The following CXCL3 variants were observed in gnomAD, a reference collection of about 807,000 sequenced individuals.
The protein encoded by CXCL3 is C-X-C motif chemokine ligand 3.
A neutral mutation model predicts 11.5 loss-of-function variants in CXCL3; 10 were observed. The observed-to-expected ratio is 0.87, with a 90% CI of 0.54 to 1.48. The LOEUF (loss-of-function observed/expected upper bound fraction) is 1.48, where lower values mean the gene tolerates loss of function less well. Among genes scored for constraint, CXCL3 ranks in the 40% most tolerant of loss-of-function variants. The pLI is 0.00. For synonymous variants in CXCL3, 61 were observed against 60.9 expected (o/e 1.00, Z -0.01); for missense variants, 149 against 139.1 (o/e 1.07, Z -0.36).
At chr4:74,037,883 G>A (rs1010322817) in intron 3 of CXCL3, 5 of 572,380 alleles carry the variant, frequency 8.7e-6, no homozygotes, top group Admixed American at 3.3e-5. Context: ...GGTTAGGCCT[G>A]GAAATGGAAG....
Position 74,038,276 on chromosome 4 carries a change from G to A in CXCL3, c.224+14C>T. The A allele has an allele frequency of 1.2e-6, 2 of 1,613,880 alleles. No homozygotes were observed. Among genetic ancestry groups the A allele is most frequent in the Non-Finnish European group, 8.5e-7 (1 of 1,179,856 alleles). ...ACCCCAGCGGTGGCAGCGGAAGCGC[G>A]GGGCGGGACTTACATGACTTCGGTT... On this transcript the variant is annotated intron_variant, in intron 2 of 3. Transcript: ENST00000296026.
intron 2 of CXCL3, 38 bp downstream of exon 2, chr4:74,038,252 C>A (rs568286162): frequency 1.5e-5 from 25 of 1,613,650 alleles, no homozygotes; most frequent in South Asian, 3.3e-5. Context: ...GAGTCGGGGA[C>A]CCCAGCGGTG....
chr4:74,038,112 T>C lies in CXCL3; in HGVS notation c.289A>G (p.Ile97Val). 1.2e-6 allele frequency: 2 copies of C among 1,614,136 alleles called. No homozygotes were observed. Among genetic ancestry groups the C allele is most frequent in the South Asian group, 1.1e-5 (1 of 91,070 alleles). The change falls in exon 3 of 4, where the codon ATC (isoleucine) becomes GTC (valine). Residue 97 changes from isoleucine (I) to valine (V), a missense_variant. By Grantham distance (29) the Ile-to-Val change is conservative. Coordinates refer to ENST00000296026, the MANE Select transcript of CXCL3 (RefSeq NM_002090.3). ...NPASPMVQKI[I>V]EKILNKGSTN ...ACTCACTTGTTCAGTATCTTTTCGA[T>C]GATTTTCTGAACCATGGGGGATGCG...
In CXCL3 at chr4:74,038,381, A is replaced by G; in HGVS notation, c.133T>C (p.Cys45Arg). Reference sequence around the variant, plus strand: ...TGAATTCCCTGCAGTGTCTGCAAGCACTGGCAGCGCAGTTCAGTGACCACG... The same window carrying G: ...TGAATTCCCTGCAGTGTCTGCAAGCGCTGGCAGCGCAGTTCAGTGACCACG... ...ASVVTELRCQ[C>R]LQTLQGIHLK... The change falls in exon 2 of 4, where the codon TGC becomes CGC. Residue 45 changes from cysteine to arginine, a missense_variant. By Grantham distance (180) the Cys-to-Arg change is radical. Coordinates refer to ENST00000296026, the MANE Select transcript of CXCL3 (RefSeq NM_002090.3). 6.2e-7 allele frequency: 1 copy of G among 1,614,174 alleles called. No individual in the cohort carries two copies.
In CXCL3 at chr4:74,038,485, C is replaced by T. The variant is rs769677798; in HGVS notation, c.100+27G>A. ...GCGCCCACCCCAGCCGCGTCCGGCC[C>T]GGGGACCCCAGGGCGCCGGGACCCA... On this transcript the variant is annotated intron_variant, in intron 1 of 3. Transcript: ENST00000296026. 3 of 1,570,830 alleles carry T rather than the reference C, an allele frequency of 1.9e-6. No homozygotes were observed. The African/African-American group carries it at 4.2e-5, about 22-fold the overall frequency.
At chr4:74,038,010 C>G in intron 3 of CXCL3, 83 bp downstream of exon 3, 1 of 1,400,434 alleles carries the variant, frequency 7.1e-7, no homozygotes, top group Non-Finnish European at 1.0e-6. Flanking sequence ...CTTGGGGTTC[C>G]CTGATTTTAT....
At chr4:74,037,442 T>A in intron 3 of CXCL3, 165 bp from the exon 4 acceptor site, 1 of 461,546 alleles carries the variant, frequency 2.2e-6, no homozygotes, top group Non-Finnish European at 3.6e-6. Context: ...CTTGCACTCC[T>A]GAATGCTTTT....
chr4:74,037,311 T>C lies in CXCL3; in HGVS notation c.309-34A>G, dbSNP rs772761286. Reference sequence around the variant, plus strand: ...AGAAAAGGGTTACTGTTGCAGGTGCTAAGGAAGGCTGCTCTTCTGTCACTC... The same window carrying C: ...AGAAAAGGGTTACTGTTGCAGGTGCCAAGGAAGGCTGCTCTTCTGTCACTC... On this transcript the variant is annotated intron_variant, in intron 3 of 3. Transcript: ENST00000296026. 4.3e-6 allele frequency: 7 copies of C among 1,613,728 alleles called. No individual in the cohort carries two copies. In the African/African-American group the frequency reaches 9.3e-5, roughly 22 times the overall value.
chr4:74,038,150 G>C lies in CXCL3; in HGVS notation c.251C>G (p.Ala84Gly). Residue 84 changes from alanine (A) to glycine (G), a missense_variant, in exon 3 of 4, where the codon GCT becomes GGT. Coordinates refer to ENST00000296026, the MANE Select transcript of CXCL3 (RefSeq NM_002090.3). ...VIATLKNGKK[A>G]CLNPASPMVQ... is the part of the protein sequence containing the mutation. ...CATGGGGGATGCGGGGTTGAGACAA[G>C]CTTTCTTCCCATTCTTGAGTGTGGC... 1.2e-6 allele frequency: 2 copies of C among 1,614,090 alleles called. No individual in the cohort carries two copies. Among genetic ancestry groups the C allele is most frequent in the Non-Finnish European group, 1.7e-6 (2 of 1,179,990 alleles).
intron 3 of CXCL3, 170 bp from the exon 4 acceptor site, chr4:74,037,447 G>GTTT: frequency 2.0e-5 from 5 of 252,344 alleles, no homozygotes; most frequent in South Asian, 1.0e-4. Flanking sequence ...ACTCCTGAAT[G>GTTT]CTTTTTTTTT....
chr4:74,037,465 A>G (rs577243368), intron 3 of CXCL3, 188 bp from the exon 4 acceptor site: 2 of 385,052 alleles, frequency 5.2e-6, no homozygotes, highest in Non-Finnish European at 9.0e-6. Context: ...TTTTTTTTTC[A>G]AGAAAGAAGT....
chr4:74,038,136 C>T lies in CXCL3; in HGVS notation c.265G>A (p.Ala89Thr), dbSNP rs759175981. ...KNGKKACLNP[A>T]SPMVQKIIEK... The stretch of plus-strand genomic sequence containing the variant: ...ATGATTTTCTGAACCATGGGGGATG[C>T]GGGGTTGAGACAAGCTTTCTTCCCA... The change falls in exon 3 of 4, where the codon GCA becomes ACA. Residue 89 changes from alanine (A) to threonine (T), a missense_variant. By Grantham distance (58) the Ala-to-Thr change is moderately conservative. Coordinates refer to ENST00000296026, the MANE Select transcript of CXCL3 (RefSeq NM_002090.3). 1.9e-6 allele frequency: 3 copies of T among 1,614,060 alleles called. No homozygotes were observed. The highest frequency in any genetic ancestry group is 2.7e-5 in the African/African-American group (2 of 75,040).
Position 74,038,557 on chromosome 4 carries a change from C to A in CXCL3, c.55G>T (p.Ala19Ser), listed in dbSNP as rs1222637834. The A allele has an allele frequency of 3.4e-6, 5 of 1,491,126 alleles. No homozygotes were observed. The highest frequency in any genetic ancestry group is 3.0e-5 in the East Asian group (1 of 33,894). 92.4% of individuals were successfully genotyped at this position (1,491,126 alleles called of 1,614,324 possible). A position where few individuals can be genotyped will look rare whatever the true frequency, so the allele number is the denominator to read the frequency against. Residue 19 changes from alanine (A) to serine (S), a missense_variant, in exon 1 of 4, where the codon GCG (alanine) becomes TCG (serine). By Grantham distance (99) the Ala-to-Ser change is moderately conservative. Transcript: ENST00000296026. The part of the protein sequence containing the change: ...APSNPRLLRV[A>S]LLLLLLVAAS... ...GCCACCAGGAGCAGGAGCAGCAGCGCCACCCGCAGGAGCCGGGGATTGCTG... is the reference window on the plus strand; with the variant it reads ...GCCACCAGGAGCAGGAGCAGCAGCGACACCCGCAGGAGCCGGGGATTGCTG...
rs746452744 is a variant in CXCL3 at position 74,038,429 on chromosome 4, C to T, written c.101-16G>A. ...ACGGACGCTCCTAGGGAAGAATAGA[C>T]TCGCTGATTGAGCGGGGCTGTCGGC... On this transcript the variant is annotated splice_polypyrimidine_tract_variant and intron_variant, in intron 1 of 3. Coordinates refer to ENST00000296026, the MANE Select transcript of CXCL3 (RefSeq NM_002090.3). 5.3e-5 allele frequency: 85 copies of T among 1,607,466 alleles called. No individual in the cohort carries two copies. Among genetic ancestry groups the T allele is most frequent in the Non-Finnish European group, 6.5e-5 (77 of 1,177,514 alleles).
chr4:74,037,274 C>A lies in CXCL3; in HGVS notation c.312G>T (p.Gly104=), dbSNP rs201340451. ...QKIIEKILNK[G]STN The stretch of plus-strand genomic sequence containing the variant: ...TACTTCTCTCCTGTCAGTTGGTGCT[C>A]CCCCTGTGATGAGAAAAGGGTTACT... The change falls in exon 4 of 4, where the codon GGG becomes GGT. Residue 104 remains glycine (G), a synonymous_variant. Coordinates refer to ENST00000296026, the MANE Select transcript of CXCL3 (RefSeq NM_002090.3). 4.0e-5 allele frequency: 65 copies of A among 1,613,894 alleles called. 1 individual carries two copies. The highest frequency in any genetic ancestry group is 1.6e-5 in the Non-Finnish European group (19 of 1,179,930).
Position 74,036,971 on chromosome 4 carries a change from G to T in CXCL3, c.*291C>A. ...GTCTCCCACTAAATATTAGTTTAATGACACATTTAAAACCCATCATATTCC... is the reference window on the plus strand; with the variant it reads ...GTCTCCCACTAAATATTAGTTTAATTACACATTTAAAACCCATCATATTCC... On this transcript the variant is annotated 3_prime_UTR_variant, in exon 4 of 4. Transcript: ENST00000296026. 16 of 275,462 alleles carry T rather than the reference G, an allele frequency of 5.8e-5. No homozygotes were observed. The highest frequency in any genetic ancestry group is 7.7e-5 in the Non-Finnish European group (11 of 143,496). 17.1% of individuals were successfully genotyped at this position (275,462 alleles called of 1,614,324 possible).
chr4:74,038,253 C>G (rs1050141386), intron 2 of CXCL3, 37 bp downstream of exon 2: 1 of 1,613,466 alleles, frequency 6.2e-7, no homozygotes, highest in Non-Finnish European at 8.5e-7. Context: ...AGTCGGGGAC[C>G]CCAGCGGTGG....
intron 3 of CXCL3, 24 bp downstream of exon 3, chr4:74,038,069 G>A (rs752261770): frequency 3.1e-6 from 5 of 1,612,212 alleles, no homozygotes; most frequent in South Asian, 2.2e-5. Flanking sequence ...CCAGTCGCCT[G>A]TGTATATGGA....
chr4:74,036,815 A>G lies in CXCL3; in HGVS notation c.*447T>C, dbSNP rs1720001997. On this transcript the variant is annotated 3_prime_UTR_variant, in exon 4 of 4. Transcript: ENST00000296026. ...AACAACTGACATTCTTTTTTTAAAA[A>G]AAAAGTATAAAAAATAGATGTGTAC... 1 of 153,160 alleles carries G rather than the reference A, an allele frequency of 6.5e-6. No individual in the cohort carries two copies. The highest frequency in any genetic ancestry group is 6.5e-5 in the Admixed American group (1 of 15,450). The allele number at this position is 153,160 out of a possible 1,614,324, so 9.5% of individuals were successfully genotyped here.
Sources: allele counts gnomAD v4.1 joint callset, GRCh38; gene constraint gnomAD v4.1.1; transcripts MANE v1.5; gene names NCBI Gene and HGNC (gene_info 2026-07-23, HGNC 2026-07-21).